Variants in RAD54L2 observed in about 807,000 individuals in gnomAD.
RAD54L2 encodes the protein helicase ARIP4.
In RAD54L2, 27 loss-of-function variants were observed where a neutral mutation model predicts 138.4. The observed-to-expected ratio is 0.20, with a 90% CI of 0.14 to 0.27. The LOEUF (loss-of-function observed/expected upper bound fraction) is 0.27, where lower values mean the gene tolerates loss of function less well. Ranked by LOEUF, RAD54L2 falls within the 10% of genes least tolerant of loss-of-function variation. The pLI, the probability that RAD54L2 is intolerant of heterozygous loss-of-function variation, is 1.00. For synonymous variants in RAD54L2, 644 were observed against 723.2 expected, an observed-to-expected ratio of 0.89 and a Z score of 1.76; for missense variants, 1,396 against 1,890.2, an observed-to-expected ratio of 0.74 and a Z score of 4.85.
chr3:51,557,089 A>T (rs970777372), intron 2 of RAD54L2, among the ~76,000 whole-genome samples: 3 of 152,066 alleles, frequency 2.0e-5, no homozygotes, highest in Non-Finnish European at 4.4e-5. Flanking sequence ...GTATAGCATC[A>T]TGAAGCATCA....
Position 51,660,081 on chromosome 3 carries a change from A to G in RAD54L2, c.3372A>G (p.Lys1124=), listed in dbSNP as rs1701721946. The stretch of plus-strand genomic sequence containing the variant: ...TCTTTGCTGTCCGGGCAACTGGCAA[A>G]CCAAAGGTTCCTGAAGATGGTCGGA... ...GRIFAVRATG[K]PKVPEDGRMA... The change falls in exon 22 of 23, where the codon AAA becomes AAG. Residue 1124 remains lysine, a synonymous_variant. Transcript: ENST00000684192. The G allele has an allele frequency of 1.2e-6, 2 of 1,601,032 alleles. No homozygotes were observed. Among genetic ancestry groups the G allele is most frequent in the African/African-American group, 1.3e-5 (1 of 74,912 alleles).
chr3:51,626,631 G>C (rs1700696144), intron 3 of RAD54L2, among the ~76,000 whole-genome samples: 1 of 151,134 alleles, frequency 6.6e-6, no homozygotes, highest in Non-Finnish European at 1.5e-5. Flanking sequence ...TTTTAGTAGA[G>C]ACTGGGTTTT....
chr3:51,638,103 GCCACA>G lies in RAD54L2; in HGVS notation c.1683-39_1683-35del. The G allele has an allele frequency of 9.4e-6, 15 of 1,600,954 alleles. No individual in the cohort carries two copies. The highest frequency in any genetic ancestry group is 1.3e-5 in the Non-Finnish European group (15 of 1,169,852). On this transcript the variant is annotated intron_variant, in intron 11 of 22. Coordinates refer to ENST00000684192, the MANE Select transcript of RAD54L2 (RefSeq NM_015106.4). This position sits in a 1 kb window ranked among gnomAD's most constrained non-coding sequence, Gnocchi z 4.3. The stretch of plus-strand genomic sequence containing the variant: ...TTTTATCTTGTGCTGACCCCTCCTG[GCCACA>G]CTACCTTGCCGTTTCTGTTCTGTTT...
rs184800510 is a variant in RAD54L2 at position 51,579,666 on chromosome 3, A to T, written c.-54-10701A>T. Reference sequence around the variant, plus strand: ...ACCATTTAATTACTAAGTCAACTAGAAATGTGACATTTAGTAGTTTAAAGG... The same window carrying T: ...ACCATTTAATTACTAAGTCAACTAGTAATGTGACATTTAGTAGTTTAAAGG... On this transcript the variant is annotated intron_variant, in intron 2 of 22. Coordinates refer to ENST00000684192, the MANE Select transcript of RAD54L2 (RefSeq NM_015106.4). 3.9e-5 allele frequency among the ~76,000 whole-genome samples: 6 copies of T among 152,320 alleles called. No individual in the cohort carries two copies. The East Asian group carries it at 1.2e-3, about 29-fold the overall frequency.
At position 51,607,698 on chromosome 3, in the gene RAD54L2, C is replaced by G. The variant is rs1308342555; in HGVS notation, c.139+17139C>G. On this transcript the variant is annotated intron_variant, in intron 3 of 22. Transcript: ENST00000684192. ...ACGGGGCGGCCGGGCAGAGGGGCCC[C>G]CCACCTCCCAGACGGGGCGGCGGCC... Among the ~76,000 whole-genome samples, 9 of 151,402 alleles carry G rather than the reference C, an allele frequency of 5.9e-5. No homozygotes were observed. The East Asian group carries it at 1.6e-3, about 27-fold the overall frequency.
intron 3 of RAD54L2, among the ~76,000 whole-genome samples, chr3:51,614,376 C>G (rs2106765942): frequency 6.6e-6 from 1 of 152,082 alleles, no homozygotes; most frequent in East Asian, 1.9e-4. Flanking sequence ...GTTCCTCAGC[C>G]TGGTCTCGAA....
In RAD54L2 at chr3:51,645,883, G is replaced by T; in HGVS notation, c.2829+120G>T. 1.8e-6 allele frequency: 2 copies of T among 1,124,886 alleles called. No homozygotes were observed. Among genetic ancestry groups the T allele is most frequent in the Non-Finnish European group, 2.5e-6 (2 of 806,880 alleles). The allele number at this position is 1,124,886 out of a possible 1,614,324, so 69.7% of individuals were successfully genotyped here. On this transcript the variant is annotated intron_variant, in intron 18 of 22. Coordinates refer to ENST00000684192, the MANE Select transcript of RAD54L2 (RefSeq NM_015106.4). This position sits in a 1 kb window ranked among gnomAD's most constrained non-coding sequence, Gnocchi z 6.1. ...TTCATGCAGGTGACTTGGACTCAAG[G>T]ACTTCTTTTTCTTGCCCCACTCAGT... is the stretch of plus-strand genomic sequence containing the variant.
At chr3:51,635,258 C>T (rs1700957156) in intron 9 of RAD54L2, among the ~76,000 whole-genome samples, 1 of 152,138 alleles carries the variant, frequency 6.6e-6, no homozygotes, top group Non-Finnish European at 1.5e-5. Flanking sequence ...TTGAAATGCT[C>T]CTTCAAATGT....
intron 3 of RAD54L2, among the ~76,000 whole-genome samples, chr3:51,598,153 G>C (rs1700010128): frequency 7.3e-6 from 1 of 137,904 alleles, no homozygotes; most frequent in Non-Finnish European, 1.6e-5. Context: ...ATATATATGT[G>C]TGTGTGTGTG....
At chr3:51,554,800 C>T (rs1175699487) in intron 2 of RAD54L2, among the ~76,000 whole-genome samples, 1 of 152,248 alleles carries the variant, frequency 6.6e-6, no homozygotes, top group East Asian at 1.9e-4. Flanking sequence ...GAACCTTGGT[C>T]TCCACCATCC....
At chr3:51,629,195 G>A (rs1205117115) in intron 4 of RAD54L2, 139 bp from the exon 5 acceptor site, 1 of 860,470 alleles carries the variant, frequency 1.2e-6, no homozygotes, top group Non-Finnish European at 1.8e-6. Flanking sequence ...TCCTTGCATG[G>A]GTATGGTGGG....
chr3:51,566,467 T>G lies in RAD54L2; in HGVS notation c.-54-23900T>G, dbSNP rs948201159. On this transcript the variant is annotated intron_variant, in intron 2 of 22. Coordinates refer to ENST00000684192, the MANE Select transcript of RAD54L2 (RefSeq NM_015106.4). ...GAATTTTATCACAGCCTTTTCTGCGTTTTTTTTTTTTTTTTTTTTTTTTTT... is the reference window on the plus strand; with the variant it reads ...GAATTTTATCACAGCCTTTTCTGCGGTTTTTTTTTTTTTTTTTTTTTTTTT... Among the ~76,000 whole-genome samples, 16 of 102,896 alleles carry G rather than the reference T, an allele frequency of 1.6e-4. No homozygotes were observed. The South Asian group carries it at 2.1e-3, about 14-fold the overall frequency. 67.5% of individuals were successfully genotyped at this position (102,896 alleles called of 152,430 possible).
chr3:51,651,840 G>A (rs1701446564), intron 19 of RAD54L2, among the ~76,000 whole-genome samples: 1 of 152,154 alleles, frequency 6.6e-6, no homozygotes. Flanking sequence ...ATACTGAATG[G>A]GCAAACACTG....
intron 19 of RAD54L2, among the ~76,000 whole-genome samples, chr3:51,654,510 G>A (rs1018991386): frequency 6.6e-6 from 1 of 152,054 alleles, no homozygotes; most frequent in Admixed American, 6.5e-5. Context: ...CAACATAGTG[G>A]GACTCAATCT....
Position 51,662,312 on chromosome 3 carries a change from ACTATT to A in RAD54L2, c.3410-113_3410-109del. On this transcript the variant is annotated intron_variant, in intron 22 of 22. Coordinates refer to ENST00000684192, the MANE Select transcript of RAD54L2 (RefSeq NM_015106.4). This position sits in a 1 kb window ranked among gnomAD's most constrained non-coding sequence, Gnocchi z 4.6. ...CTGGGTGATGTTGTTCAGACATCAA[ACTATT>A]AGAATTTTGGGGACTACAGGACAGG... is the stretch of plus-strand genomic sequence containing the variant. 1.0e-6 allele frequency: 1 copy of A among 964,536 alleles called. No homozygotes were observed. Among genetic ancestry groups the A allele is most frequent in the Non-Finnish European group, 1.5e-6 (1 of 683,688 alleles). 59.7% of individuals were successfully genotyped at this position (964,536 alleles called of 1,614,324 possible). A position where few individuals can be genotyped will look rare whatever the true frequency, so the allele number is the denominator to read the frequency against.
chr3:51,607,771 G>A (rs1044637739), intron 3 of RAD54L2, among the ~76,000 whole-genome samples: 1 of 148,782 alleles, frequency 6.7e-6, no homozygotes, highest in Admixed American at 6.7e-5. Context: ...GGGCAGAGGG[G>A]CCCCCCACCT....
Position 51,662,630 on chromosome 3 carries a change from C to T in RAD54L2, c.3614C>T (p.Pro1205Leu). The T allele has an allele frequency of 1.9e-6, 3 of 1,612,620 alleles. No homozygotes were observed. The highest frequency in any genetic ancestry group is 2.5e-6 in the Non-Finnish European group (3 of 1,179,218). Residue 1205 changes from proline (P) to leucine (L), a missense_variant, in exon 23 of 23, where the codon CCC becomes CTC. Around this residue, in one of 7 missense-constraint regions of RAD54L2, gnomAD observed 634 missense variants for 711.2 expected, o/e 0.89. Transcript: ENST00000684192. The surrounding 1 kb of genome is among the most constrained non-coding windows in gnomAD (Gnocchi z 4.6). ...AGCACCAATGCCGCCCTGCCTGGCC[C>T]CCCGGCCCAACTTATGGACAGCAGT... The part of the protein sequence containing the change: ...SPSTNAALPG[P>L]PAQLMDSSAV...
chr3:51,641,997 G>A lies in RAD54L2; in HGVS notation c.2350+130G>A. The A allele has an allele frequency of 7.3e-6, 5 of 684,274 alleles. No homozygotes were observed. In the South Asian group the frequency reaches 7.8e-5, roughly 11 times the overall value. The allele number at this position is 684,274 out of a possible 1,614,324, so 42.4% of individuals were successfully genotyped here. ...ATATTTGTGATTAGTCAAGGAGCAG[G>A]GGGATACTAAGAGCCAGCTGTTGTT... On this transcript the variant is annotated intron_variant, in intron 15 of 22. Coordinates refer to ENST00000684192, the MANE Select transcript of RAD54L2 (RefSeq NM_015106.4).
intron 2 of RAD54L2, among the ~76,000 whole-genome samples, chr3:51,561,642 GC>G (rs1294648305): frequency 1.3e-5 from 2 of 150,586 alleles, no homozygotes; most frequent in East Asian, 4.0e-4. Context: ...GCTCACTGCA[GC>G]CTCAACCTCC....
Sources: gnomAD v4.1 joint callset for allele counts (sites outside exome capture counted in the v4.1 genomes callset) on GRCh38, gnomAD v4.1.1 for gene constraint, gnomAD v4.1.1 regional missense constraint, Gnocchi (gnomAD v3.1) non-coding constraint, MANE v1.5 for transcripts, NCBI Gene and HGNC (gene_info 2026-07-23, HGNC 2026-07-21) for gene names.